Variants in EPB41 observed in about 807,000 individuals in gnomAD.
EPB41 encodes the protein erythrocyte membrane protein band 4.1, also known as protein 4.1.
Under a neutral mutation model 108.0 loss-of-function variants are expected in EPB41, and 65 were observed. The observed-to-expected ratio is 0.60, with a 90% confidence interval of 0.49 to 0.74. The LOEUF (loss-of-function observed/expected upper bound fraction) is 0.74, where lower values mean the gene tolerates loss of function less well. Ranked by LOEUF, EPB41 falls within the 30% of genes least tolerant of loss-of-function variation. The pLI, the probability that EPB41 is intolerant of heterozygous loss-of-function variation, is 0.00. For synonymous variants in EPB41, 336 were observed against 358.9 expected, an observed-to-expected ratio of 0.94 and a Z score of 0.72; for missense variants, 875 against 1,037.0, an observed-to-expected ratio of 0.84 and a Z score of 2.15.
chr1:29,009,140 C>T (rs2096459475), intron 4 of EPB41, among the ~76,000 whole-genome samples: 1 of 145,168 alleles, frequency 6.9e-6, no homozygotes, highest in African/African-American at 2.6e-5. Context: ...GTTTTTAATC[C>T]TTCTTTTTTT....
At chr1:29,045,022 A>G (rs898522954) in intron 11 of EPB41, among the ~76,000 whole-genome samples, 2 of 152,122 alleles carry the variant, frequency 1.3e-5, no homozygotes, top group African/African-American at 4.8e-5. Context: ...TAATTATTCT[A>G]GCTTTTATAA....
intron 19 of EPB41, among the ~76,000 whole-genome samples, chr1:29,114,392 C>T (rs1360742079): frequency 1.3e-5 from 2 of 152,182 alleles, no homozygotes; most frequent in African/African-American, 4.8e-5. Flanking sequence ...CCTATAATCC[C>T]AGTACTTTGG....
At chr1:28,923,111 C>CA (rs2093223447) in intron 1 of EPB41, among the ~76,000 whole-genome samples, 1 of 60,602 alleles carries the variant, frequency 1.7e-5, no homozygotes. Flanking sequence ...CTTTTCTTTT[C>CA]TTTTTTTTTT....
intron 7 of EPB41, among the ~76,000 whole-genome samples, chr1:29,019,863 T>C (rs571372055): frequency 5.8e-4 from 88 of 152,270 alleles, no homozygotes; most frequent in African/African-American, 1.8e-3. Flanking sequence ...CTTTAAAGTC[T>C]ACAACCTACA....
upstream of EPB41, among the ~76,000 whole-genome samples, chr1:28,909,848 G>C (rs898093164): frequency 4.6e-5 from 7 of 151,958 alleles, no homozygotes; most frequent in African/African-American, 1.7e-4. Context: ...CATAAGGGTG[G>C]GTGTGGTGTC....
chr1:29,058,457 G>T, intron 12 of EPB41, 132 bp from the exon 13 acceptor site: 1 of 806,602 alleles, frequency 1.2e-6, no homozygotes, highest in South Asian at 1.5e-5. Context: ...CCCTCCATAA[G>T]ACTGCATCAT....
At chr1:29,011,119 T>C (rs1460771699) in intron 4 of EPB41, among the ~76,000 whole-genome samples, 4 of 88,634 alleles carry the variant, frequency 4.5e-5, no homozygotes, top group East Asian at 5.6e-4. Flanking sequence ...AGTGAAACTC[T>C]GTCAAAAAAA....
At chr1:29,014,222 C>T (rs900972550) in intron 5 of EPB41, among the ~76,000 whole-genome samples, 1 of 151,848 alleles carries the variant, frequency 6.6e-6, no homozygotes, top group African/African-American at 2.4e-5. Context: ...GAGGCTGAGG[C>T]AGGAGAATTG....
At chr1:28,919,680 C>T (rs1232802872) in intron 1 of EPB41, among the ~76,000 whole-genome samples, 3 of 152,202 alleles carry the variant, frequency 2.0e-5, no homozygotes, top group Middle Eastern at 6.8e-3. Flanking sequence ...GTCTTGAACT[C>T]CTGATCTCAA....
intron 4 of EPB41, among the ~76,000 whole-genome samples, chr1:29,003,427 C>T (rs1273564302): frequency 1.3e-5 from 2 of 152,124 alleles, no homozygotes; most frequent in Non-Finnish European, 2.9e-5. Context: ...TTATTTTCTT[C>T]TTTAGCTTTT....
At chr1:28,915,140 G>C (rs1270897534) in intron 1 of EPB41, among the ~76,000 whole-genome samples, 3 of 152,182 alleles carry the variant, frequency 2.0e-5, no homozygotes, top group Non-Finnish European at 4.4e-5. Flanking sequence ...GGTTTCAGAC[G>C]GTGAAGGTGT....
intron 1 of EPB41, among the ~76,000 whole-genome samples, chr1:28,931,673 C>A (rs1318067622): frequency 6.6e-6 from 1 of 151,388 alleles, no homozygotes; most frequent in Non-Finnish European, 1.5e-5. Context: ...GGATTACAGG[C>A]GCCCGCCACC....
chr1:28,939,474 G>T (rs747599903), intron 1 of EPB41, among the ~76,000 whole-genome samples: 1 of 151,870 alleles, frequency 6.6e-6, no homozygotes, highest in Admixed American at 6.6e-5. Context: ...TTGAGACGGA[G>T]TCTCAGCTGC....
At position 28,952,250 on chromosome 1, in the gene EPB41, G is replaced by A. The variant is rs1346255739; in HGVS notation, c.-7-35181G>A. On this transcript the variant is annotated intron_variant, in intron 1 of 20. Transcript: ENST00000343067. ...AGTTATCAAAGTGGTTCGTGCGGCC[G>A]GGCACGGTGGCTCACGCCTGTAATC... 4.6e-5 allele frequency among the ~76,000 whole-genome samples: 7 copies of A among 151,508 alleles called. 1 individual carries two copies. The South Asian group carries it at 8.3e-4, about 18-fold the overall frequency.
chr1:29,030,382 G>A lies in EPB41; in HGVS notation c.1125-18G>A, dbSNP rs751302715. ...CACTATAACACTGAAAGAATTTTAT[G>A]TTTTTATTCTATCAAAGGTCCATGA... On this transcript the variant is annotated intron_variant, in intron 7 of 20. Coordinates refer to ENST00000343067, the MANE Select transcript of EPB41 (RefSeq NM_001376013.1). 5.6e-6 allele frequency: 9 copies of A among 1,602,430 alleles called. No homozygotes were observed. Among genetic ancestry groups the A allele is most frequent in the African/African-American group, 5.4e-5 (4 of 74,688 alleles).
chr1:29,040,275 T>A (rs1012598186), intron 11 of EPB41, among the ~76,000 whole-genome samples: 1 of 152,078 alleles, frequency 6.6e-6, no homozygotes. Flanking sequence ...ATCTTTTTTT[T>A]TTTCTTAATT....
intron 17 of EPB41, among the ~76,000 whole-genome samples, chr1:29,105,743 C>CTTTTTTT (rs63685960): frequency 3.3e-5 from 3 of 91,080 alleles, no homozygotes; most frequent in Non-Finnish European, 6.1e-5. Context: ...ATGTACAGAT[C>CTTTTTTT]TTTTTTTTTT....
chr1:28,976,510 A>C (rs2095611246), intron 1 of EPB41, among the ~76,000 whole-genome samples: 1 of 151,966 alleles, frequency 6.6e-6, no homozygotes, highest in Non-Finnish European at 1.5e-5. Flanking sequence ...GCATGTCACC[A>C]TACTTGGCTA....
chr1:28,950,848 T>G (rs1384388665), intron 1 of EPB41, among the ~76,000 whole-genome samples: 1 of 152,164 alleles, frequency 6.6e-6, no homozygotes, highest in African/African-American at 2.4e-5. Context: ...GTACTTTTTT[T>G]TTTTGAGACG....
Sources: allele counts gnomAD v4.1 joint callset (sites outside exome capture counted in the v4.1 genomes callset), GRCh38; gene constraint gnomAD v4.1.1; transcripts MANE v1.5; gene names NCBI Gene and HGNC (gene_info 2026-07-23, HGNC 2026-07-21).